LINC00632: variants seen among roughly 807,000 people sequenced by gnomAD.
LINC00632 encodes ALDOA related specific transcript.
intron 3 of LINC00632, among the ~76,000 whole-genome samples, chrX:140,747,984 T>G (rs1406189085): frequency 8.9e-6 from 1 of 111,763 alleles, no homozygotes; most frequent in African/African-American, 3.3e-5. Context: ...TGTGCCACCA[T>G]GCCCAGCTAA....
At chrX:140,764,154 T>C (rs1001604495) in intron 3 of LINC00632, among the ~76,000 whole-genome samples, 7 of 110,604 alleles carry the variant, frequency 6.3e-5, no homozygotes, top group Non-Finnish European at 1.3e-4. Context: ...CACATTTAAT[T>C]TGCCTCGTGA....
exon 5 of LINC00632, among the ~76,000 whole-genome samples, chrX:140,777,359 A>T (rs1356299103): frequency 3.6e-5 from 4 of 112,472 alleles, no homozygotes; most frequent in Non-Finnish European, 7.5e-5. Flanking sequence ...ATATTCTTCA[A>T]CACGCTCAAA....
At chrX:140,730,853 G>A (rs1931044756) in intron 2 of LINC00632, among the ~76,000 whole-genome samples, 1 of 111,384 alleles carries the variant, frequency 9.0e-6, no homozygotes, top group Non-Finnish European at 1.9e-5. Context: ...ATATGAGAGA[G>A]GGCCTACATG....
chrX:140,724,977 TTACACACACTCAGACACATTCCACAC>T (rs1930909767), intron 2 of LINC00632, among the ~76,000 whole-genome samples: 1 of 5,506 alleles, frequency 1.8e-4, no homozygotes, highest in African/African-American at 5.9e-4. Flanking sequence ...ACACATTCCA[TTACACACACTCAGACACATTCCACAC>T]ACACACATTC....
chrX:140,779,772 C>G, exon 5 of LINC00632, among the ~76,000 whole-genome samples: 1 of 112,231 alleles, frequency 8.9e-6, no homozygotes, highest in Non-Finnish European at 1.9e-5. Flanking sequence ...ATATAATTAA[C>G]TCATCTTTGC....
At chrX:140,763,593 A>G (rs2148397725) in intron 3 of LINC00632, among the ~76,000 whole-genome samples, 1 of 111,112 alleles carries the variant, frequency 9.0e-6, no homozygotes, top group African/African-American at 3.3e-5. Context: ...GTACTGACCG[A>G]TCCTCATTTA....
At chrX:140,751,119 AT>A (rs1285563081) in intron 3 of LINC00632, among the ~76,000 whole-genome samples, 1 of 111,018 alleles carries the variant, frequency 9.0e-6, no homozygotes, top group African/African-American at 3.3e-5. Context: ...ATAATTGCTT[AT>A]TTTGTTTTGG....
exon 4 of LINC00632, chrX:140,772,475 G>C (rs993059292): frequency 1.4e-5 from 4 of 291,634 alleles, no homozygotes; most frequent in Non-Finnish European, 2.4e-5. Context: ...GCGTGAGTTA[G>C]GGGTGAGAAT....
exon 5 of LINC00632, among the ~76,000 whole-genome samples, chrX:140,780,038 A>T: frequency 9.0e-6 from 1 of 111,727 alleles, no homozygotes; most frequent in Non-Finnish European, 1.9e-5. Context: ...ACCAATTACC[A>T]GCTGTGTGAC....
intron 2 of LINC00632, among the ~76,000 whole-genome samples, chrX:140,720,933 C>T (rs890057066): frequency 9.9e-5 from 11 of 111,467 alleles, no homozygotes; most frequent in African/African-American, 3.6e-4. Context: ...CACAATCTCA[C>T]TGCAACACAC....
intron 2 of LINC00632, among the ~76,000 whole-genome samples, chrX:140,712,862 A>G (rs1241807245): frequency 9.5e-6 from 1 of 104,738 alleles, no homozygotes; most frequent in Non-Finnish European, 2.0e-5. Flanking sequence ...GGGGGGAAAA[A>G]AAAGGGCGGG....
intron 3 of LINC00632, among the ~76,000 whole-genome samples, chrX:140,742,554 C>A (rs1931240374): frequency 9.0e-6 from 1 of 110,914 alleles, no homozygotes; most frequent in Admixed American, 9.7e-5. Context: ...TTTTAACTTT[C>A]CTTTTTCTGT....
At chrX:140,748,119 T>C (rs76578373) in intron 3 of LINC00632, among the ~76,000 whole-genome samples, 11 of 112,086 alleles carry the variant, frequency 9.8e-5, no homozygotes, top group South Asian at 3.8e-4. Flanking sequence ...TGAGCCACCA[T>C]GCCTGGCCTA....
intron 2 of LINC00632, among the ~76,000 whole-genome samples, chrX:140,721,860 G>A (rs1930734140): frequency 9.1e-6 from 1 of 110,337 alleles, no homozygotes; most frequent in Non-Finnish European, 1.9e-5. Flanking sequence ...ATAGCACTCA[G>A]GTTCTCCTGT....
At chrX:140,754,781 G>A (rs1390464850) in intron 3 of LINC00632, among the ~76,000 whole-genome samples, 2 of 110,006 alleles carry the variant, frequency 1.8e-5, no homozygotes, top group Non-Finnish European at 3.8e-5. Context: ...GAAATTGGAC[G>A]GACCTCTAAC....
chrX:140,770,623 C>T (rs979843870), intron 3 of LINC00632, among the ~76,000 whole-genome samples: 1 of 111,910 alleles, frequency 8.9e-6, no homozygotes, highest in South Asian at 3.7e-4. Flanking sequence ...GTTCCTCCCT[C>T]GACAAAACAT....
At chrX:140,756,204 T>C (rs912176135) in intron 3 of LINC00632, among the ~76,000 whole-genome samples, 1 of 111,968 alleles carries the variant, frequency 8.9e-6, no homozygotes, top group Non-Finnish European at 1.9e-5. Flanking sequence ...AAAGATAAAA[T>C]CACTGTTTGT....
chrX:140,756,425 C>G (rs1199553285), intron 3 of LINC00632, among the ~76,000 whole-genome samples: 1 of 112,022 alleles, frequency 8.9e-6, no homozygotes, highest in Non-Finnish European at 1.9e-5. Context: ...GTCACCTGCA[C>G]AGCTTCATTT....
chrX:140,755,538 T>C (rs977465917), intron 3 of LINC00632, among the ~76,000 whole-genome samples: 2 of 112,400 alleles, frequency 1.8e-5, no homozygotes, highest in African/African-American at 3.2e-5. Flanking sequence ...TGAGTTGCTC[T>C]ACCTATTTTC....
Sources: allele counts gnomAD v4.1 joint callset (sites outside exome capture counted in the v4.1 genomes callset), GRCh38; gene constraint gnomAD v4.1.1; transcripts MANE v1.5; gene names NCBI Gene and HGNC (gene_info 2026-07-23, HGNC 2026-07-21).